Variants in KALRN observed in about 807,000 individuals in gnomAD.
KALRN encodes kalirin RhoGEF kinase.
KALRN carries 70 observed loss-of-function variants against 353.7 expected under a neutral mutation model. The ratio of observed to expected loss-of-function variants is 0.20; its 90% CI spans 0.16 to 0.24. KALRN has a LOEUF of 0.24. Ranked by LOEUF, KALRN falls within the 10% of genes least tolerant of loss-of-function variation. The pLI is 1.00. For missense variants in KALRN, 2,791 were observed against 3,756.7 expected, an observed-to-expected ratio of 0.74 and a Z score of 6.72; for synonymous variants, 1,391 against 1,434.8, an observed-to-expected ratio of 0.97 and a Z score of 0.69.
At chr3:124,146,047 G>A (rs1560073913) in intron 1 of KALRN, among the ~76,000 whole-genome samples, 1 of 152,206 alleles carries the variant, frequency 6.6e-6, no homozygotes, top group African/African-American at 2.4e-5. Context: ...GAGGCATCTG[G>A]TTCTGAGCAC....
intron 19 of KALRN, among the ~76,000 whole-genome samples, chr3:124,442,985 AAAAAGAAAAAAG>A (rs1310094408): frequency 6.6e-6 from 1 of 152,160 alleles, no homozygotes; most frequent in Non-Finnish European, 1.5e-5. Context: ...GCTGTCTCAA[AAAAAGAAAAAAG>A]AAAAGAAAAA....
chr3:124,301,854 C>A (rs1456167686), intron 6 of KALRN, among the ~76,000 whole-genome samples: 1 of 152,190 alleles, frequency 6.6e-6, no homozygotes, highest in Non-Finnish European at 1.5e-5. Flanking sequence ...TATACATATA[C>A]CCACACATCC....
At chr3:124,573,604 T>C (rs1447710819) in intron 34 of KALRN, among the ~76,000 whole-genome samples, 3 of 152,114 alleles carry the variant, frequency 2.0e-5, no homozygotes, top group African/African-American at 4.8e-5. Flanking sequence ...CAGGTTCAAG[T>C]GATCCTTCTG....
rs561464279 is a variant in KALRN at position 124,660,124 on chromosome 3, G to A, written c.6216+667G>A. On this transcript the variant is annotated intron_variant, in intron 43 of 59. Transcript: ENST00000682506. ...TTTTTTATTTTTTTTGTAGAGACAC[G>A]GTCTCACTATGTTGCTCAGGCTGGT... Among the ~76,000 whole-genome samples the A allele has an allele frequency of 4.0e-5, 6 of 151,788 alleles. No homozygotes were observed. In the South Asian group the frequency reaches 1.3e-3, roughly 32 times the overall value.
chr3:124,051,973 A>G (rs1479540840), intron 1 of KALRN, among the ~76,000 whole-genome samples: 1 of 152,224 alleles, frequency 6.6e-6, no homozygotes, highest in East Asian at 1.9e-4. Context: ...GAGTTGAGCT[A>G]GAAGGTCTCT....
intron 1 of KALRN, among the ~76,000 whole-genome samples, chr3:124,198,602 A>G (rs1477813703): frequency 6.6e-6 from 1 of 152,318 alleles, no homozygotes; most frequent in East Asian, 1.9e-4. Flanking sequence ...CCCTCAAACA[A>G]AAGTTCATGA....
chr3:124,260,353 A>T (rs1040078930), intron 3 of KALRN, among the ~76,000 whole-genome samples: 3 of 152,078 alleles, frequency 2.0e-5, no homozygotes, highest in Non-Finnish European at 2.9e-5. Flanking sequence ...ACCAGCCTCC[A>T]CTCATGCTCT....
chr3:124,052,731 A>G (rs2041158903), intron 1 of KALRN, among the ~76,000 whole-genome samples: 1 of 152,022 alleles, frequency 6.6e-6, no homozygotes, highest in African/African-American at 2.4e-5. Context: ...AAAGTACACT[A>G]AAGCATTCCA....
chr3:124,497,468 C>A (rs868182089), intron 33 of KALRN, among the ~76,000 whole-genome samples: 5 of 152,034 alleles, frequency 3.3e-5, no homozygotes, highest in East Asian at 1.9e-4. Context: ...AGAAAAAAAA[C>A]CATTGAGACC....
intron 33 of KALRN, among the ~76,000 whole-genome samples, chr3:124,531,534 G>C (rs1245770160): frequency 1.3e-5 from 2 of 152,118 alleles, no homozygotes; most frequent in African/African-American, 2.4e-5. Flanking sequence ...AGTTTAATTG[G>C]CTCGTGGTTC....
chr3:124,217,798 T>C (rs1261476103), intron 1 of KALRN, among the ~76,000 whole-genome samples: 1 of 152,138 alleles, frequency 6.6e-6, no homozygotes, highest in Non-Finnish European at 1.5e-5. Flanking sequence ...AAAATGACCT[T>C]TGGATGTGTC....
chr3:124,215,143 G>C (rs1397726923), intron 1 of KALRN, among the ~76,000 whole-genome samples: 1 of 152,172 alleles, frequency 6.6e-6, no homozygotes, highest in African/African-American at 2.4e-5. Context: ...CCTGACCATA[G>C]CCCCCTGGCC....
chr3:124,524,650 C>T (rs769175779), intron 33 of KALRN, among the ~76,000 whole-genome samples: 5 of 152,196 alleles, frequency 3.3e-5, no homozygotes, highest in Non-Finnish European at 5.9e-5. Context: ...ATTCAATGAG[C>T]TGAATCAGTA....
intron 10 of KALRN, among the ~76,000 whole-genome samples, chr3:124,357,827 C>T (rs1244701724): frequency 6.6e-6 from 1 of 152,160 alleles, no homozygotes; most frequent in African/African-American, 2.4e-5. Context: ...TCTTTTTAAA[C>T]CAATGCCTAG....
At chr3:124,465,086 T>C (rs920771586) in intron 25 of KALRN, among the ~76,000 whole-genome samples, 5 of 152,158 alleles carry the variant, frequency 3.3e-5, no homozygotes, top group Admixed American at 3.3e-4. Context: ...TTATCTGCAA[T>C]TTAAGGAAAT....
chr3:124,340,783 C>T (rs1035326948), intron 9 of KALRN, among the ~76,000 whole-genome samples: 2 of 152,010 alleles, frequency 1.3e-5, no homozygotes, highest in African/African-American at 2.4e-5. Flanking sequence ...GGCAAAACCC[C>T]GTCTCTACTA....
At chr3:124,508,458 G>T (rs2065479367) in intron 33 of KALRN, among the ~76,000 whole-genome samples, 1 of 151,950 alleles carries the variant, frequency 6.6e-6, no homozygotes, top group South Asian at 2.1e-4. Flanking sequence ...CACTTCTGTT[G>T]CTCAACACTT....
At chr3:124,384,388 G>A (rs510324) in intron 10 of KALRN, among the ~76,000 whole-genome samples, 150,280 of 152,296 alleles carry the variant, frequency 0.99, 74,171 homozygotes, top group East Asian at 1. Context: ...AAACACCAGT[G>A]GTTACAGGGA....
intron 5 of KALRN, among the ~76,000 whole-genome samples, chr3:124,287,721 A>G (rs934780561): frequency 2.1e-4 from 26 of 122,700 alleles, no homozygotes; most frequent in African/African-American, 7.3e-4. Context: ...TATTGAGGTT[A>G]CCTGGAGAGC....
Sources: allele counts gnomAD v4.1 joint callset (sites outside exome capture counted in the v4.1 genomes callset), GRCh38; gene constraint gnomAD v4.1.1; transcripts MANE v1.5; gene names NCBI Gene and HGNC (gene_info 2026-07-23, HGNC 2026-07-21).